BTBD9: variants seen among roughly 807,000 people sequenced by gnomAD.
BTBD9 encodes BTB/POZ domain-containing protein 9.
A neutral mutation model predicts 64.3 loss-of-function variants in BTBD9; 49 were observed. The observed-to-expected ratio is 0.76, with a 90% CI of 0.61 to 0.97. The LOEUF (loss-of-function observed/expected upper bound fraction) is 0.97, where lower values mean the gene tolerates loss of function less well. Among genes scored for constraint, BTBD9 ranks in the 50% least tolerant of loss-of-function variants. The pLI is 0.00. For synonymous variants in BTBD9, 260 were observed against 274.7 expected, an observed-to-expected ratio of 0.95 and a Z score of 0.53; for missense variants, 598 against 762.1, an observed-to-expected ratio of 0.78 and a Z score of 2.53.
At chr6:38,522,622 T>C (rs936629220) in intron 6 of BTBD9, among the ~76,000 whole-genome samples, 27 of 152,224 alleles carry the variant, frequency 1.8e-4, no homozygotes, top group African/African-American at 6.3e-4. Context: ...GAGATCTTGA[T>C]GCTTCCCATG....
Position 38,243,947 on chromosome 6 carries a change from C to A in BTBD9, c.1562+12462G>T, listed in dbSNP as rs925442464. Among the ~76,000 whole-genome samples, 4 of 152,092 alleles carry A rather than the reference C, an allele frequency of 2.6e-5. No homozygotes were observed. The East Asian group carries it at 7.7e-4, about 29-fold the overall frequency. On this transcript the variant is annotated intron_variant, in intron 9 of 10. Coordinates refer to ENST00000481247, the MANE Select transcript of BTBD9 (RefSeq NM_001099272.2). ...GTTCTCTGGGATAGAGCTGAGCAAG[C>A]GTCAATCATGGTATAATTACCAAAA...
At chr6:38,392,979 A>C (rs1234024462) in intron 6 of BTBD9, among the ~76,000 whole-genome samples, 1 of 151,842 alleles carries the variant, frequency 6.6e-6, no homozygotes, top group Non-Finnish European at 1.5e-5. Context: ...GGTTCAAACA[A>C]TTCTCCTGCC....
intron 7 of BTBD9, among the ~76,000 whole-genome samples, chr6:38,323,584 A>C (rs893602431): frequency 6.6e-6 from 1 of 152,256 alleles, no homozygotes; most frequent in African/African-American, 2.4e-5. Flanking sequence ...ATAAATGACA[A>C]TAGATATCAG....
At chr6:38,240,364 G>A (rs1465437069) in intron 9 of BTBD9, among the ~76,000 whole-genome samples, 1 of 152,204 alleles carries the variant, frequency 6.6e-6, no homozygotes, top group Non-Finnish European at 1.5e-5. Context: ...GTGAGCCCAT[G>A]AGAGGAGGGA....
intron 9 of BTBD9, among the ~76,000 whole-genome samples, chr6:38,256,011 A>G (rs1345233741): frequency 1.3e-5 from 2 of 151,924 alleles, no homozygotes; most frequent in African/African-American, 2.4e-5. Flanking sequence ...TGGCACATGT[A>G]TACCTATGTA....
intron 4 of BTBD9, 95 bp downstream of exon 4, chr6:38,592,481 C>T (rs1191628590): frequency 3.0e-6 from 4 of 1,319,996 alleles, no homozygotes; most frequent in African/African-American, 2.9e-5. Flanking sequence ...TTCATGTACA[C>T]CTGCACTACA....
At chr6:38,380,661 C>G (rs7743023) in intron 6 of BTBD9, among the ~76,000 whole-genome samples, 54,457 of 151,946 alleles carry the variant, frequency 0.36, 11,723 homozygotes, top group East Asian at 0.84. Flanking sequence ...AAGACCCTGT[C>G]TCTAAAAAGG....
At chr6:38,553,830 G>A (rs1027811683) in intron 6 of BTBD9, among the ~76,000 whole-genome samples, 6 of 151,908 alleles carry the variant, frequency 3.9e-5, no homozygotes, top group African/African-American at 1.2e-4. Context: ...TCCAGTCTGG[G>A]TGACAGAGCG....
chr6:38,524,377 C>A, intron 6 of BTBD9, among the ~76,000 whole-genome samples: 1 of 152,010 alleles, frequency 6.6e-6, no homozygotes, highest in Non-Finnish European at 1.5e-5. Flanking sequence ...CCTTAGAATT[C>A]ATAAGAAGTT....
At chr6:38,544,927 C>CAAAAAAAAAAAAAAAAAAAA (rs58694810) in intron 6 of BTBD9, among the ~76,000 whole-genome samples, 1 of 48,284 alleles carries the variant, frequency 2.1e-5, no homozygotes, top group Non-Finnish European at 3.7e-5. Context: ...AACTACATCT[C>CAAAAAAAAAAAAAAAAAAAA]AAAAAAAAAA....
intron 1 of BTBD9, among the ~76,000 whole-genome samples, chr6:38,618,998 C>T (rs1777894581): frequency 6.6e-6 from 1 of 152,136 alleles, no homozygotes; most frequent in African/African-American, 2.4e-5. Context: ...CATCTGTTGA[C>T]CTGTGTTCTA....
At chr6:38,314,167 G>A (rs1193100822) in intron 7 of BTBD9, among the ~76,000 whole-genome samples, 2 of 151,698 alleles carry the variant, frequency 1.3e-5, no homozygotes, top group Non-Finnish European at 2.9e-5. Context: ...TACATCAGAG[G>A]TATTGACCTG....
chr6:38,556,188 T>A, intron 6 of BTBD9, among the ~76,000 whole-genome samples: 1 of 152,192 alleles, frequency 6.6e-6, no homozygotes, highest in East Asian at 1.9e-4. Context: ...TAGAAGCACA[T>A]CCCAAGGTAC....
chr6:38,330,458 G>GA (rs886639827), intron 7 of BTBD9, among the ~76,000 whole-genome samples: 1 of 152,064 alleles, frequency 6.6e-6, no homozygotes, highest in African/African-American at 2.4e-5. Context: ...AGGCTGAGGT[G>GA]AGAGTATCAC....
intron 6 of BTBD9, among the ~76,000 whole-genome samples, chr6:38,501,738 G>A (rs559358162): frequency 1.6e-4 from 24 of 152,228 alleles, no homozygotes; most frequent in African/African-American, 5.5e-4. Flanking sequence ...TCCATCACCT[G>A]TTCTGTCACA....
intron 6 of BTBD9, among the ~76,000 whole-genome samples, chr6:38,489,069 T>C (rs9296251): frequency 0.037 from 5,624 of 152,100 alleles, 348 homozygotes; most frequent in African/African-American, 0.13. Flanking sequence ...TTAATTTTTG[T>C]ATGTTTTGTA....
intron 6 of BTBD9, among the ~76,000 whole-genome samples, chr6:38,376,094 T>C (rs1278977271): frequency 2.0e-5 from 3 of 152,236 alleles, no homozygotes; most frequent in African/African-American, 7.2e-5. Context: ...TATCCCTTGC[T>C]GCTTAATGAG....
At chr6:38,622,138 C>A (rs957615288) in intron 1 of BTBD9, among the ~76,000 whole-genome samples, 2 of 152,216 alleles carry the variant, frequency 1.3e-5, no homozygotes, top group Non-Finnish European at 2.9e-5. Flanking sequence ...CTCCTCTGGA[C>A]CATCTGACAA....
intron 1 of BTBD9, among the ~76,000 whole-genome samples, chr6:38,617,647 C>T (rs1227018441): frequency 6.6e-6 from 1 of 152,128 alleles, no homozygotes; most frequent in Non-Finnish European, 1.5e-5. Flanking sequence ...TATGGAGAGC[C>T]TCAGAAATTA....
Sources: gnomAD v4.1 joint callset for allele counts (sites outside exome capture counted in the v4.1 genomes callset) on GRCh38, gnomAD v4.1.1 for gene constraint, MANE v1.5 for transcripts, NCBI Gene and HGNC (gene_info 2026-07-23, HGNC 2026-07-21) for gene names.